Variants in MCM2 observed in about 807,000 individuals in gnomAD.
The protein encoded by MCM2 is DNA replication licensing factor MCM2.
In MCM2, 49 loss-of-function variants were observed where a neutral mutation model predicts 86.4. That is an observed-to-expected ratio of 0.57 (90% confidence interval 0.45 to 0.72). The LOEUF is 0.72. Ranked by LOEUF, MCM2 falls within the 30% of genes least tolerant of loss-of-function variation. MCM2 has a pLI of 0.00. For synonymous variants in MCM2, 475 were observed against 484.6 expected (o/e 0.98, Z 0.26); for missense variants, 1,038 against 1,259.9 (o/e 0.82, Z 2.67).
chr3:127,621,364 CTG>C (rs1306903520), intron 15 of MCM2, 136 bp downstream of exon 15: 21 of 1,033,910 alleles, frequency 2.0e-5, no homozygotes, highest in Non-Finnish European at 2.7e-5. Flanking sequence ...TGCTTACAGT[CTG>C]TTGAGTCCAG....
intron 8 of MCM2, among the ~76,000 whole-genome samples, chr3:127,611,553 C>T (rs987696786): frequency 3.3e-5 from 5 of 152,182 alleles, no homozygotes; most frequent in Admixed American, 2.0e-4. Flanking sequence ...AGCCCTACCC[C>T]GCTCCCGTGT....
chr3:127,607,329 C>T (rs1486265135), intron 6 of MCM2, among the ~76,000 whole-genome samples: 1 of 152,254 alleles, frequency 6.6e-6, no homozygotes, highest in African/African-American at 2.4e-5. Flanking sequence ...TGTAATGTGC[C>T]TTTGTACTTG....
intron 8 of MCM2, chr3:127,610,999 A>G (rs1401118733): frequency 6.6e-6 from 3 of 455,924 alleles, no homozygotes; most frequent in South Asian, 4.6e-5. Flanking sequence ...AGTAAGTCAG[A>G]CATGACCCTT....
chr3:127,617,858 G>A lies in MCM2; in HGVS notation c.1901-111G>A. 1 of 781,952 alleles carries A rather than the reference G, an allele frequency of 1.3e-6. No individual in the cohort carries two copies. Among genetic ancestry groups the A allele is most frequent in the Non-Finnish European group, 2.2e-6 (1 of 464,316 alleles). 48.4% of individuals were successfully genotyped at this position (781,952 alleles called of 1,614,324 possible). Reference sequence around the variant, plus strand: ...CAGCAGGTGCTAAGTACCCACCTATGTCTTCCTCTTCCACTGCCCTCATCC... The same window carrying A: ...CAGCAGGTGCTAAGTACCCACCTATATCTTCCTCTTCCACTGCCCTCATCC... On this transcript the variant is annotated intron_variant, in intron 11 of 15. Transcript: ENST00000265056. The surrounding 1 kb of genome is among the most constrained non-coding windows in gnomAD (Gnocchi z 4.1).
chr3:127,617,250 G>C lies in MCM2; in HGVS notation c.1774-29G>C. The C allele has an allele frequency of 6.2e-7, 1 of 1,613,926 alleles. No homozygotes were observed. Among genetic ancestry groups the C allele is most frequent in the Non-Finnish European group, 8.5e-7 (1 of 1,179,858 alleles). On this transcript the variant is annotated intron_variant, in intron 10 of 15. Coordinates refer to ENST00000265056, the MANE Select transcript of MCM2 (RefSeq NM_004526.4). The surrounding 1 kb of genome is among the most constrained non-coding windows in gnomAD (Gnocchi z 4.1). ...ACTTAGTAGTAGGGGCGTGAACCAT[G>C]CTAAGGGTGGGCCATTTTAATCTTG... is the stretch of plus-strand genomic sequence containing the variant.
At chr3:127,620,612 G>A in intron 13 of MCM2, 86 bp from the exon 14 acceptor site, 1 of 1,413,492 alleles carries the variant, frequency 7.1e-7, no homozygotes, top group Non-Finnish European at 9.6e-7. Context: ...GGTCTTCTTG[G>A]CTCTGGGTGC....
chr3:127,609,873 G>GTC (rs1227011100), intron 8 of MCM2, among the ~76,000 whole-genome samples: 1 of 107,030 alleles, frequency 9.3e-6, no homozygotes, highest in Admixed American at 1.3e-4. Flanking sequence ...TTGAGATGGA[G>GTC]TCTCTCTGTC....
rs2074288909 is a variant in MCM2 at position 127,599,396 on chromosome 3, G to A, written c.85G>A (p.Gly29Ser). 9.3e-6 allele frequency: 15 copies of A among 1,614,156 alleles called. No individual in the cohort carries two copies. Among genetic ancestry groups the A allele is most frequent in the Non-Finnish European group, 1.3e-5 (15 of 1,180,024 alleles). ...CAATGATCCTCTCACCTCCAGCCCTGGCCGAAGCTCCCGGCGTACTGATGC... is the reference window on the plus strand; with the variant it reads ...CAATGATCCTCTCACCTCCAGCCCTAGCCGAAGCTCCCGGCGTACTGATGC... ...RGNDPLTSSP[G>S]RSSRRTDALT... The change falls in exon 2 of 16, where the codon GGC (glycine) becomes AGC (serine). Residue 29 changes from glycine to serine, a missense_variant. Transcript: ENST00000265056.
At position 127,617,261 on chromosome 3, in the gene MCM2, G is replaced by A. The variant is rs746907931; in HGVS notation, c.1774-18G>A. 2 of 1,613,976 alleles carry A rather than the reference G, an allele frequency of 1.2e-6. No homozygotes were observed. The highest frequency in any genetic ancestry group is 2.2e-5 in the South Asian group (2 of 91,058). ...GGGGCGTGAACCATGCTAAGGGTGG[G>A]CCATTTTAATCTTGCAGATGAATGA... On this transcript the variant is annotated intron_variant, in intron 10 of 15. Coordinates refer to ENST00000265056, the MANE Select transcript of MCM2 (RefSeq NM_004526.4). This position sits in a 1 kb window ranked among gnomAD's most constrained non-coding sequence, Gnocchi z 4.1.
intron 8 of MCM2, among the ~76,000 whole-genome samples, chr3:127,613,654 C>T (rs747984077): frequency 1.3e-5 from 2 of 152,226 alleles, no homozygotes; most frequent in Non-Finnish European, 2.9e-5. Context: ...CTCTGTGTTA[C>T]ATAAGGCCTG....
chr3:127,618,181 C>G lies in MCM2; in HGVS notation c.2013+100C>G. ...TGCCCAACACAGGGGACAGGTGCTG[C>G]AGGGGCCATAGGCTGTTTTCTAGTC... On this transcript the variant is annotated intron_variant, in intron 12 of 15. Transcript: ENST00000265056. This position sits in a 1 kb window ranked among gnomAD's most constrained non-coding sequence, Gnocchi z 4.0. 1 of 894,998 alleles carries G rather than the reference C, an allele frequency of 1.1e-6. No individual in the cohort carries two copies. The highest frequency in any genetic ancestry group is 1.4e-5 in the South Asian group (1 of 70,786). The allele number at this position is 894,998 out of a possible 1,614,324, so 55.4% of individuals were successfully genotyped here. A position where few individuals can be genotyped will look rare whatever the true frequency, so the allele number is the denominator to read the frequency against.
chr3:127,611,624 C>T (rs1002755434), intron 8 of MCM2, among the ~76,000 whole-genome samples: 4 of 147,742 alleles, frequency 2.7e-5, no homozygotes, highest in African/African-American at 1.0e-4. Flanking sequence ...CCCCAGCTGA[C>T]TTCTGTCTTC....
chr3:127,607,938 A>C (rs1253000098), intron 6 of MCM2, among the ~76,000 whole-genome samples: 2 of 152,206 alleles, frequency 1.3e-5, no homozygotes, highest in Non-Finnish European at 2.9e-5. Context: ...GGCCTGTGAT[A>C]CTTGACAGTG....
At position 127,618,943 on chromosome 3, in the gene MCM2, C is replaced by T. The variant is rs1180138904; in HGVS notation, c.2014-84C>T. ...TTGAAAGAGTGTCACCCTTGTAGGGCACACTCAGCCCTTCTCCAGCCACTG... is the reference window on the plus strand; with the variant it reads ...TTGAAAGAGTGTCACCCTTGTAGGGTACACTCAGCCCTTCTCCAGCCACTG... On this transcript the variant is annotated intron_variant, in intron 12 of 15. Transcript: ENST00000265056. This position sits in a 1 kb window ranked among gnomAD's most constrained non-coding sequence, Gnocchi z 4.0. The T allele has an allele frequency of 4.3e-6, 6 of 1,394,376 alleles. No individual in the cohort carries two copies. The highest frequency in any genetic ancestry group is 5.7e-6 in the Non-Finnish European group (6 of 1,045,074). The allele number at this position is 1,394,376 out of a possible 1,614,324, so 86.4% of individuals were successfully genotyped here.
chr3:127,619,089 G>A lies in MCM2; in HGVS notation c.2076G>A (p.Glu692=). ...SHVRHHPSNK[E]EEGLANGSAA... is the part of the protein sequence containing the mutation. Reference sequence around the variant, plus strand: ...TCAGACACCACCCCAGCAACAAGGAGGAGGAGGGGCTGGCCAATGGCAGCG... The same window carrying A: ...TCAGACACCACCCCAGCAACAAGGAAGAGGAGGGGCTGGCCAATGGCAGCG... The change falls in exon 13 of 16, where the codon GAG becomes GAA. Residue 692 remains glutamate (E), a synonymous_variant. Coordinates refer to ENST00000265056, the MANE Select transcript of MCM2 (RefSeq NM_004526.4). 1.2e-6 allele frequency: 2 copies of A among 1,613,222 alleles called. No homozygotes were observed. Among genetic ancestry groups the A allele is most frequent in the Non-Finnish European group, 1.7e-6 (2 of 1,179,450 alleles).
chr3:127,619,750 A>C (rs2074462222), intron 13 of MCM2, among the ~76,000 whole-genome samples: 1 of 152,240 alleles, frequency 6.6e-6, no homozygotes. Context: ...TGGGAGGCCA[A>C]GGCAGGAAGA....
At chr3:127,598,713 C>G (rs1211553115) in intron 1 of MCM2, 2 of 547,254 alleles carry the variant, frequency 3.7e-6, no homozygotes, top group Non-Finnish European at 3.2e-6. Flanking sequence ...TTTATTCACC[C>G]CACACATACT....
chr3:127,600,074 GT>G (rs751983887), intron 2 of MCM2, among the ~76,000 whole-genome samples: 23 of 152,354 alleles, frequency 1.5e-4, no homozygotes, highest in Admixed American at 5.2e-4. Flanking sequence ...GAGGTCAGGA[GT>G]TTGAAACCAG....
Position 127,606,047 on chromosome 3 carries a change from C to T in MCM2, c.674-71C>T. 1 of 1,244,084 alleles carries T rather than the reference C, an allele frequency of 8.0e-7. No homozygotes were observed. The highest frequency in any genetic ancestry group is 1.2e-6 in the Non-Finnish European group (1 of 853,258). 77.1% of individuals were successfully genotyped at this position (1,244,084 alleles called of 1,614,324 possible). On this transcript the variant is annotated intron_variant, in intron 4 of 15. Coordinates refer to ENST00000265056, the MANE Select transcript of MCM2 (RefSeq NM_004526.4). This position sits in a 1 kb window ranked among gnomAD's most constrained non-coding sequence, Gnocchi z 4.2. ...CGGGGTGGGTAGGCCTTGCTTCTCA[C>T]ACAGGCATTGTTGCAGCCCAGCCCA... is the stretch of plus-strand genomic sequence containing the variant.
Sources: allele counts gnomAD v4.1 joint callset (sites outside exome capture counted in the v4.1 genomes callset), GRCh38; gene constraint gnomAD v4.1.1; non-coding constraint Gnocchi (gnomAD v3.1); transcripts MANE v1.5; gene names NCBI Gene and HGNC (gene_info 2026-07-23, HGNC 2026-07-21).